The following GRIA4 variants were observed in gnomAD, a reference collection of about 807,000 sequenced individuals.
The protein encoded by GRIA4 is glutamate receptor 4.
Under a neutral mutation model 104.0 loss-of-function variants are expected in GRIA4, and 34 were observed. The observed-to-expected ratio is 0.33, with a 90% confidence interval of 0.25 to 0.44. The LOEUF is 0.44. Ranked by LOEUF, GRIA4 falls within the 20% of genes least tolerant of loss-of-function variation. The probability of loss-of-function intolerance (pLI) is 1.00; values close to 1 mark genes in which losing one functional copy is unlikely to be tolerated. For synonymous variants in GRIA4, 386 were observed against 381.9 expected, an observed-to-expected ratio of 1.01 and a Z score of -0.13; for missense variants, 750 against 1,096.5, an observed-to-expected ratio of 0.68 and a Z score of 4.46.
intron 3 of GRIA4, chr11:105,614,095 A>G (rs1342100069): frequency 6.6e-6 from 1 of 151,800 alleles, no homozygotes; most frequent in Non-Finnish European, 1.5e-5. Context: ...TGTCTCTCCT[A>G]AGATTCTGTC....
intron 3 of GRIA4, among the ~76,000 whole-genome samples, chr11:105,667,589 A>G (rs939693978): frequency 5.9e-5 from 9 of 152,062 alleles, no homozygotes; most frequent in Non-Finnish European, 1.2e-4. Context: ...AAGAGGATTC[A>G]TAAACAACCT....
At chr11:105,877,169 C>G (rs1047293498) in intron 5 of GRIA4, among the ~76,000 whole-genome samples, 7 of 152,116 alleles carry the variant, frequency 4.6e-5, no homozygotes, top group Non-Finnish European at 1.0e-4. Context: ...GCTTATGAAG[C>G]TTAGTTTGGC....
chr11:105,960,648 G>A (rs1405113174), intron 14 of GRIA4, among the ~76,000 whole-genome samples: 1 of 152,208 alleles, frequency 6.6e-6, no homozygotes, highest in African/African-American at 2.4e-5. Flanking sequence ...GCAGCAGCTG[G>A]TGCTGGTTGC....
intron 13 of GRIA4, among the ~76,000 whole-genome samples, chr11:105,930,270 C>T (rs546208484): frequency 1.3e-5 from 2 of 152,180 alleles, no homozygotes; most frequent in East Asian, 3.9e-4. Flanking sequence ...CCCCTTCATC[C>T]CATTGTCCTG....
chr11:105,698,572 G>A (rs956729377), intron 3 of GRIA4, among the ~76,000 whole-genome samples: 3 of 152,122 alleles, frequency 2.0e-5, no homozygotes, highest in African/African-American at 4.8e-5. Context: ...TCAAATCAAC[G>A]TAGAAGTAAT....
chr11:105,692,072 C>T (rs1428135776), intron 3 of GRIA4, among the ~76,000 whole-genome samples: 1 of 151,528 alleles, frequency 6.6e-6, no homozygotes, highest in Non-Finnish European at 1.5e-5. Context: ...TTGAAAGATG[C>T]AGTTCCAGGA....
At chr11:105,665,522 G>C (rs924685179) in intron 3 of GRIA4, among the ~76,000 whole-genome samples, 1 of 152,090 alleles carries the variant, frequency 6.6e-6, no homozygotes. Context: ...AGAGGATACT[G>C]CAGGAAGCCA....
At chr11:105,881,822 C>T (rs1253634798) in intron 5 of GRIA4, among the ~76,000 whole-genome samples, 1 of 152,086 alleles carries the variant, frequency 6.6e-6, no homozygotes, top group Non-Finnish European at 1.5e-5. Flanking sequence ...ACCTAGCCTC[C>T]TCCTAAATCT....
intron 4 of GRIA4, among the ~76,000 whole-genome samples, chr11:105,854,316 T>C (rs1944932159): frequency 6.6e-6 from 1 of 152,042 alleles, no homozygotes; most frequent in Non-Finnish European, 1.5e-5. Flanking sequence ...GGCATTTGGG[T>C]AGAAACCTAA....
intron 4 of GRIA4, among the ~76,000 whole-genome samples, chr11:105,831,112 G>A (rs1565270084): frequency 6.6e-6 from 1 of 152,006 alleles, no homozygotes; most frequent in South Asian, 2.1e-4. Context: ...TGATGGCTGG[G>A]TCTATACTCA....
intron 4 of GRIA4, among the ~76,000 whole-genome samples, chr11:105,757,147 C>T (rs564149960): frequency 3.3e-5 from 5 of 152,122 alleles, no homozygotes; most frequent in Non-Finnish European, 7.3e-5. Flanking sequence ...CTTCATTAAA[C>T]CAGATTCCAC....
intron 3 of GRIA4, among the ~76,000 whole-genome samples, chr11:105,647,914 G>T (rs1951575196): frequency 6.6e-6 from 1 of 151,664 alleles, no homozygotes; most frequent in African/African-American, 2.4e-5. Context: ...AGCCATGATT[G>T]TGCCACTTTA....
chr11:105,696,316 A>G (rs1483188722), intron 3 of GRIA4, among the ~76,000 whole-genome samples: 7 of 152,156 alleles, frequency 4.6e-5, no homozygotes, highest in African/African-American at 1.7e-4. Context: ...CATCTCTACT[A>G]CTGGGTTTTG....
chr11:105,626,818 G>C (rs1009332164), intron 3 of GRIA4, among the ~76,000 whole-genome samples: 8 of 152,122 alleles, frequency 5.3e-5, no homozygotes, highest in Non-Finnish European at 1.2e-4. Flanking sequence ...AGAAGGGGCA[G>C]GGTCATGGTA....
At chr11:105,928,343 T>C (rs1022822127) in intron 13 of GRIA4, among the ~76,000 whole-genome samples, 2 of 152,032 alleles carry the variant, frequency 1.3e-5, no homozygotes, top group African/African-American at 4.8e-5. Context: ...ACAAAACACT[T>C]AATAGATTTT....
chr11:105,729,485 T>C lies in GRIA4; in HGVS notation c.248-23496T>C, dbSNP rs183382140. Among the ~76,000 whole-genome samples the C allele has an allele frequency of 5.3e-5, 8 of 152,200 alleles. No individual in the cohort carries two copies. The East Asian group carries it at 1.6e-3, about 29-fold the overall frequency. On this transcript the variant is annotated intron_variant, in intron 3 of 16. Transcript: ENST00000282499. ...TTCCAAACAATAGAAAAAGAAGGAC[T>C]CCTTCCTCCCTAACTCATTTTATGA...
At chr11:105,936,423 G>A (rs543630555) in intron 14 of GRIA4, among the ~76,000 whole-genome samples, 1 of 152,178 alleles carries the variant, frequency 6.6e-6, no homozygotes, top group East Asian at 1.9e-4. Flanking sequence ...CAGGTCTTTA[G>A]GTTAATAGTT....
At chr11:105,685,698 T>C (rs1952857541) in intron 3 of GRIA4, among the ~76,000 whole-genome samples, 1 of 152,154 alleles carries the variant, frequency 6.6e-6, no homozygotes, top group Non-Finnish European at 1.5e-5. Flanking sequence ...GAGGACATTC[T>C]ATGAGAAGAG....
chr11:105,655,969 T>C (rs920158921), intron 3 of GRIA4, among the ~76,000 whole-genome samples: 42 of 152,148 alleles, frequency 2.8e-4, no homozygotes, highest in Non-Finnish European at 3.4e-4. Context: ...AGCATTCCTA[T>C]TTCTCCATGT....
Sources: allele counts gnomAD v4.1 joint callset (sites outside exome capture counted in the v4.1 genomes callset), GRCh38; gene constraint gnomAD v4.1.1; transcripts MANE v1.5; gene names NCBI Gene and HGNC (gene_info 2026-07-23, HGNC 2026-07-21).